The following MMS19 variants were observed in gnomAD, a reference collection of about 807,000 sequenced individuals.
The protein encoded by MMS19 is MMS19 cytosolic iron-sulfur assembly component.
In MMS19, 77 loss-of-function variants were observed where a neutral mutation model predicts 129.8. The observed-to-expected ratio is 0.59, with a 90% confidence interval of 0.49 to 0.72. MMS19 has a LOEUF of 0.72. Among genes scored for constraint, MMS19 ranks in the 30% least tolerant of loss-of-function variants. The pLI is 0.00. For synonymous variants in MMS19, 491 were observed against 502.8 expected, an observed-to-expected ratio of 0.98 and a Z score of 0.31; for missense variants, 1,168 against 1,266.3, an observed-to-expected ratio of 0.92 and a Z score of 1.18.
At position 97,461,605 on chromosome 10, in the gene MMS19, C is replaced by T; in HGVS notation, c.2202G>A (p.Leu734=). ...CCAAAAGCTCCCGCATGAGTTGGTT[C>T]AGCTGAGGGATTTCCACCTACAGAA... is the stretch of plus-strand genomic sequence containing the variant. ...SLPRNVEIPQ[L]NQLMRELLEL... The change falls in exon 23 of 31, where the codon CTG becomes CTA. Residue 734 remains leucine, a synonymous_variant. Transcript: ENST00000438925. 11 of 1,599,136 alleles carry T rather than the reference C, an allele frequency of 6.9e-6. No homozygotes were observed. The highest frequency in any genetic ancestry group is 9.4e-6 in the Non-Finnish European group (11 of 1,172,832).
At chr10:97,461,681 G>T in intron 22 of MMS19, 59 bp from the exon 23 acceptor site, 1 of 1,573,862 alleles carries the variant, frequency 6.4e-7, no homozygotes, top group Non-Finnish European at 8.6e-7. Flanking sequence ...AAGAGAACCA[G>T]TACATAGTGG....
At position 97,458,737 on chromosome 10, in the gene MMS19, G is replaced by C. The variant is rs754287677; in HGVS notation, c.3066-18C>G. Reference sequence around the variant, plus strand: ...ACAGAAACCTGTAGGCAAAAAGAAAGTTGGCAGCATTAGTGATGAGGCTCA... The same window carrying C: ...ACAGAAACCTGTAGGCAAAAAGAAACTTGGCAGCATTAGTGATGAGGCTCA... On this transcript the variant is annotated intron_variant, in intron 30 of 30. Coordinates refer to ENST00000438925, the MANE Select transcript of MMS19 (RefSeq NM_022362.5). 2.5e-6 allele frequency: 4 copies of C among 1,612,390 alleles called. No homozygotes were observed. The highest frequency in any genetic ancestry group is 3.4e-6 in the Non-Finnish European group (4 of 1,179,114).
At chr10:97,483,217 T>G (rs1005910582) in intron 2 of MMS19, among the ~76,000 whole-genome samples, 2 of 152,154 alleles carry the variant, frequency 1.3e-5, no homozygotes, top group African/African-American at 4.8e-5. Context: ...CACGCCTAGC[T>G]AATTTTTTGT....
At chr10:97,473,041 AT>A (rs371913119) in intron 8 of MMS19, among the ~76,000 whole-genome samples, 30 of 144,836 alleles carry the variant, frequency 2.1e-4, no homozygotes, top group Admixed American at 2.1e-4. Flanking sequence ...CTTTTTATTT[AT>A]TTTTTTTTTT....
Position 97,484,546 on chromosome 10 carries a change from A to T in MMS19, c.113-395T>A, listed in dbSNP as rs76050433. 8.1e-3 allele frequency among the ~76,000 whole-genome samples: 1,227 copies of T among 152,326 alleles called. 28 individuals carry two copies. The highest frequency in any genetic ancestry group is 0.074 in the East Asian group (382 of 5,188). On this transcript the variant is annotated intron_variant, in intron 1 of 30. Transcript: ENST00000438925. ...AAAAGACCCTGTTTATAATAGCGAA[A>T]AAAGAAAAACCAAAAAAATACCTGG...
At chr10:97,486,881 ATATATATATATAT>A (rs1230902841) in intron 1 of MMS19, among the ~76,000 whole-genome samples, 1 of 138,404 alleles carries the variant, frequency 7.2e-6, no homozygotes, top group Non-Finnish European at 1.6e-5. Flanking sequence ...ATATATATAT[ATATATATATATAT>A]AAAATTAAGA....
intron 14 of MMS19, 61 bp from the exon 15 acceptor site, chr10:97,466,962 G>T: frequency 6.2e-7 from 1 of 1,603,056 alleles, no homozygotes; most frequent in Non-Finnish European, 8.5e-7. Flanking sequence ...CCCTGACTAA[G>T]CTGTGATACA....
intron 20 of MMS19, 142 bp from the exon 21 acceptor site, chr10:97,462,261 A>C (rs1286895660): frequency 3.1e-6 from 2 of 649,090 alleles, no homozygotes; most frequent in East Asian, 2.7e-5. Flanking sequence ...GCATTGAACA[A>C]ATATTAATTT....
intron 18 of MMS19, among the ~76,000 whole-genome samples, chr10:97,464,265 C>T (rs1231226553): frequency 6.6e-6 from 1 of 152,186 alleles, no homozygotes. Flanking sequence ...TCATAACAAC[C>T]TTAGAAGTAT....
Position 97,466,806 on chromosome 10 carries a change from G to A in MMS19, c.1393C>T (p.Arg465Cys), listed in dbSNP as rs1322786774. The A allele has an allele frequency of 1.9e-6, 3 of 1,613,846 alleles. No individual in the cohort carries two copies. Among genetic ancestry groups the A allele is most frequent in the Non-Finnish European group, 2.5e-6 (3 of 1,179,874 alleles). Residue 465 changes from arginine to cysteine, a missense_variant, in exon 15 of 31, where the codon CGT becomes TGT. Transcript: ENST00000438925. Reference sequence around the variant, plus strand: ...TGGGCACCCAAGACTGTCAGTGTACGGATGCCAACAAGCTGAAGCTGGGTG... The same window carrying A: ...TGGGCACCCAAGACTGTCAGTGTACAGATGCCAACAAGCTGAAGCTGGGTG... ...PSTQLQLVGI[R>C]TLTVLGAQPD...
chr10:97,475,474 C>T (rs922549035), intron 8 of MMS19, among the ~76,000 whole-genome samples: 9 of 152,228 alleles, frequency 5.9e-5, no homozygotes, highest in East Asian at 1.9e-4. Context: ...TGGTGGCCCA[C>T]GCCTGTAATC....
intron 1 of MMS19, among the ~76,000 whole-genome samples, chr10:97,486,854 T>G: frequency 8.2e-6 from 1 of 122,494 alleles, no homozygotes. Context: ...ATCCTGAAAT[T>G]AAAGTGCCAT....
Position 97,467,380 on chromosome 10 carries a change from T to C in MMS19, c.1297+125A>G, listed in dbSNP as rs933564802. 7.6e-6 allele frequency: 5 copies of C among 661,702 alleles called. No individual in the cohort carries two copies. In the African/African-American group the frequency reaches 9.0e-5, roughly 12 times the overall value. 41.0% of individuals were successfully genotyped at this position (661,702 alleles called of 1,614,324 possible). A position where few individuals can be genotyped will look rare whatever the true frequency, so the allele number is the denominator to read the frequency against. On this transcript the variant is annotated intron_variant, in intron 14 of 30. Coordinates refer to ENST00000438925, the MANE Select transcript of MMS19 (RefSeq NM_022362.5). Reference sequence around the variant, plus strand: ...ATCTCATCTGTTAAGTGTTCTCTTGTGCTACAACCTCAGAATAGGACCACT... The same window carrying C: ...ATCTCATCTGTTAAGTGTTCTCTTGCGCTACAACCTCAGAATAGGACCACT...
rs1309060152 is a variant in MMS19, at chr10:97,466,907, G to C, written c.1298-6C>G. ...GCCATTCAGAGGCCTTTGATCTAGGGAAGAGACAGAGGCCAGGTTAGAAGG... is the reference window on the plus strand; with the variant it reads ...GCCATTCAGAGGCCTTTGATCTAGGCAAGAGACAGAGGCCAGGTTAGAAGG... On this transcript the variant is annotated splice_polypyrimidine_tract_variant and splice_region_variant and intron_variant, in intron 14 of 30. Transcript: ENST00000438925. 1 of 1,613,718 alleles carries C rather than the reference G, an allele frequency of 6.2e-7. No individual in the cohort carries two copies. Among genetic ancestry groups the C allele is most frequent in the East Asian group, 2.2e-5 (1 of 44,882 alleles).
intron 8 of MMS19, among the ~76,000 whole-genome samples, chr10:97,476,329 T>A (rs1427420704): frequency 2.0e-5 from 3 of 152,226 alleles, no homozygotes; most frequent in Non-Finnish European, 4.4e-5. Context: ...CTACTCTAGC[T>A]CACACTGAAC....
Position 97,461,880 on chromosome 10 carries a change from T to G in MMS19, c.2132A>C (p.Gln711Pro), listed in dbSNP as rs749601798. The G allele has an allele frequency of 6.2e-7, 1 of 1,606,810 alleles. No homozygotes were observed. Residue 711 changes from glutamine to proline, a missense_variant, in exon 22 of 31, where the codon CAG (glutamine) becomes CCG (proline). By Grantham distance (76) the Gln-to-Pro change is moderately conservative. This residue lies in a region of MMS19 where 831 missense variants were observed against 910.8 expected (regional missense o/e 0.91). Transcript: ENST00000438925. ...FQPFQDGSSG[Q>P]RRLIALLMAF... Reference sequence around the variant, plus strand: ...CATAAGCAGTGCAATCAGCCGCCTCTGCCCTGAGGAGCCATCCTATAAAGG... The same window carrying G: ...CATAAGCAGTGCAATCAGCCGCCTCGGCCCTGAGGAGCCATCCTATAAAGG...
chr10:97,462,466 A>ACTGCAC lies in MMS19; in HGVS notation c.2012+111_2012+116dup, dbSNP rs1202771379. 3 of 726,608 alleles carry ACTGCAC rather than the reference A, an allele frequency of 4.1e-6. No individual in the cohort carries two copies. In the East Asian group the frequency reaches 8.0e-5, roughly 19 times the overall value. The allele number at this position is 726,608 out of a possible 1,614,324, so 45.0% of individuals were successfully genotyped here. A position where few individuals can be genotyped will look rare whatever the true frequency, so the allele number is the denominator to read the frequency against. ...GTCAACAAAACTTACAAGACGATTA[A>ACTGCAC]CTGCACCACATTTACATATAGGTAA... On this transcript the variant is annotated intron_variant, in intron 20 of 30. Coordinates refer to ENST00000438925, the MANE Select transcript of MMS19 (RefSeq NM_022362.5).
intron 2 of MMS19, among the ~76,000 whole-genome samples, chr10:97,483,059 C>A (rs1417243508): frequency 6.6e-6 from 1 of 151,954 alleles, no homozygotes; most frequent in Non-Finnish European, 1.5e-5. Flanking sequence ...CGCACCTGGC[C>A]TATATATATT....
In MMS19 at chr10:97,460,806, C is replaced by T. The variant is rs2031641112; in HGVS notation, c.2413-55G>A. ...GGAATGACACTCAAACCCGAGAACCCTGAGACATAGATGTTTATGGTTTAG... is the reference window on the plus strand; with the variant it reads ...GGAATGACACTCAAACCCGAGAACCTTGAGACATAGATGTTTATGGTTTAG... On this transcript the variant is annotated intron_variant, in intron 24 of 30. Transcript: ENST00000438925. 5 of 1,550,386 alleles carry T rather than the reference C, an allele frequency of 3.2e-6. No homozygotes were observed. In the South Asian group the frequency reaches 4.7e-5, roughly 15 times the overall value.
Sources: allele counts gnomAD v4.1 joint callset (sites outside exome capture counted in the v4.1 genomes callset), GRCh38; gene constraint gnomAD v4.1.1; regional missense constraint gnomAD v4.1.1; transcripts MANE v1.5; gene names NCBI Gene and HGNC (gene_info 2026-07-23, HGNC 2026-07-21).